Variants in LYPD1 observed in about 807,000 individuals in gnomAD.
LYPD1 encodes LY6/PLAUR domain containing 1, also known as ly6/PLAUR domain-containing protein 1.
In LYPD1, 14 loss-of-function variants were observed where a neutral mutation model predicts 14.2. The observed-to-expected ratio is 0.99, with a 90% CI of 0.65 to 1.54. The LOEUF is 1.54. Ranked by LOEUF, LYPD1 falls within the 40% of genes most tolerant of loss-of-function variation. The probability of loss-of-function intolerance (pLI) is 0.00; values close to 1 mark genes in which losing one functional copy is unlikely to be tolerated. For synonymous variants in LYPD1, 85 were observed against 70.6 expected (o/e 1.20, Z -1.02); for missense variants, 165 against 175.7 (o/e 0.94, Z 0.34).
chr2:132,648,872 TGCCAGGCTGGCCGCTCCAG>T (rs1682249324), intron 2 of LYPD1, among the ~76,000 whole-genome samples: 1 of 151,986 alleles, frequency 6.6e-6, no homozygotes, highest in Non-Finnish European at 1.5e-5. Flanking sequence ...GTGTGTCCAT[TGCCAGGCTGGCCGCTCCAG>T]GCCAGGCACC....
intron 2 of LYPD1, among the ~76,000 whole-genome samples, chr2:132,655,342 C>T (rs1047795188): frequency 6.6e-6 from 1 of 151,956 alleles, no homozygotes; most frequent in Non-Finnish European, 1.5e-5. Flanking sequence ...TATTTCAGGC[C>T]TCATCTGCCT....
intron 2 of LYPD1, among the ~76,000 whole-genome samples, chr2:132,656,240 A>G (rs188763465): frequency 9.9e-5 from 15 of 152,284 alleles, no homozygotes; most frequent in Non-Finnish European, 1.8e-4. Flanking sequence ...TTAATAGTCC[A>G]TTACTTTTTA....
At chr2:132,646,650 C>A (rs2001202) in intron 2 of LYPD1, 80,787 of 176,474 alleles carry the variant, frequency 0.46, 18,615 homozygotes, top group South Asian at 0.59. Flanking sequence ...GCCAGTGAGG[C>A]CCACAAGCAG....
At chr2:132,667,506 G>T (rs1307219193) in intron 2 of LYPD1, among the ~76,000 whole-genome samples, 1 of 152,198 alleles carries the variant, frequency 6.6e-6, no homozygotes, top group Non-Finnish European at 1.5e-5. Flanking sequence ...TCTGCAGGCA[G>T]TTCACAGAAC....
intron 2 of LYPD1, among the ~76,000 whole-genome samples, chr2:132,664,899 G>A (rs1412307310): frequency 1.3e-5 from 2 of 152,208 alleles, no homozygotes; most frequent in Non-Finnish European, 2.9e-5. Flanking sequence ...ACAAGCAAGA[G>A]CAAAAGAAGT....
intron 2 of LYPD1, among the ~76,000 whole-genome samples, chr2:132,650,901 T>TTA (rs1682339122): frequency 6.6e-6 from 1 of 152,146 alleles, no homozygotes; most frequent in Non-Finnish European, 1.5e-5. Flanking sequence ...TTGCTTAGGG[T>TTA]CCATTCAGGT....
At position 132,645,618 on chromosome 2, in the gene LYPD1, G is replaced by C. The variant is rs371035597; in HGVS notation, c.*427C>G. On this transcript the variant is annotated 3_prime_UTR_variant, in exon 3 of 3. Transcript: ENST00000397463. ...AGCATGAAGTTTGAATGTCAAGCGAGGGAGCCTTGAGTGGGAACTGGCCCT... is the reference window on the plus strand; with the variant it reads ...AGCATGAAGTTTGAATGTCAAGCGACGGAGCCTTGAGTGGGAACTGGCCCT... 2.0e-5 allele frequency: 32 copies of C among 1,603,770 alleles called. No homozygotes were observed. Among genetic ancestry groups the C allele is most frequent in the Non-Finnish European group, 2.6e-5 (30 of 1,174,702 alleles).
At chr2:132,651,345 C>T (rs552605281) in intron 2 of LYPD1, among the ~76,000 whole-genome samples, 17 of 152,112 alleles carry the variant, frequency 1.1e-4, no homozygotes, top group South Asian at 2.1e-4. Context: ...GGAGCTGCCC[C>T]GAAGCTCAAG....
chr2:132,665,125 A>C (rs1235751418), intron 2 of LYPD1, among the ~76,000 whole-genome samples: 3 of 152,226 alleles, frequency 2.0e-5, no homozygotes, highest in Non-Finnish European at 4.4e-5. Flanking sequence ...ACATAATAGC[A>C]ATGTCACTCT....
chr2:132,666,303 C>T (rs555301720), intron 2 of LYPD1, among the ~76,000 whole-genome samples: 2 of 152,238 alleles, frequency 1.3e-5, no homozygotes, highest in East Asian at 3.9e-4. Context: ...TATAAGGCCC[C>T]CCTGGACATT....
chr2:132,656,212 A>G (rs946960576), intron 2 of LYPD1, among the ~76,000 whole-genome samples: 13 of 152,208 alleles, frequency 8.5e-5, no homozygotes, highest in African/African-American at 2.7e-4. Flanking sequence ...CAAAGACAGA[A>G]ATTTCTAAAC....
upstream of LYPD1, chr2:132,670,251 C>T (rs1683609068): frequency 3.5e-6 from 2 of 574,456 alleles, no homozygotes; most frequent in Non-Finnish European, 2.6e-6. The surrounding 1 kb of genome is among the most constrained non-coding windows in gnomAD (Gnocchi z 4.5). Flanking sequence ...GCCTTTTCTC[C>T]CCACCTCCCA....
chr2:132,659,220 G>A (rs905145290), intron 2 of LYPD1, among the ~76,000 whole-genome samples: 5 of 152,092 alleles, frequency 3.3e-5, no homozygotes, highest in African/African-American at 1.2e-4. Context: ...ATAATATTTT[G>A]AAATGGTGAT....
chr2:132,645,072 GTC>G lies in LYPD1; in HGVS notation c.*971_*972del, dbSNP rs755789707. On this transcript the variant is annotated 3_prime_UTR_variant, in exon 3 of 3. Coordinates refer to ENST00000397463, the MANE Select transcript of LYPD1 (RefSeq NM_144586.7). ...CTCATGCTGTGTTTTTCTTTTCTCT[GTC>G]TCTCCCTCCTGCTCGTGTCTGCCCA... 1.3e-6 allele frequency: 2 copies of G among 1,583,854 alleles called. No homozygotes were observed. Among genetic ancestry groups the G allele is most frequent in the Non-Finnish European group, 1.7e-6 (2 of 1,164,366 alleles).
At chr2:132,662,821 T>G (rs1411787760) in intron 2 of LYPD1, among the ~76,000 whole-genome samples, 3 of 152,212 alleles carry the variant, frequency 2.0e-5, no homozygotes, top group Admixed American at 2.0e-4. Context: ...GACAGCAGCT[T>G]TCATGCAATC....
At chr2:132,651,877 C>T (rs912879662) in intron 2 of LYPD1, among the ~76,000 whole-genome samples, 1 of 152,166 alleles carries the variant, frequency 6.6e-6, no homozygotes, top group African/African-American at 2.4e-5. Context: ...AGTGTGGTCC[C>T]TTGGGTGGTA....
At chr2:132,670,379 G>T (rs945653970), upstream of LYPD1, among the ~76,000 whole-genome samples, 1 of 152,028 alleles carries the variant, frequency 6.6e-6, no homozygotes, top group African/African-American at 2.4e-5. The surrounding 1 kb of genome is among the most constrained non-coding windows in gnomAD (Gnocchi z 4.5). Context: ...GCCTCCGCAC[G>T]TTCCTGGGAA....
At chr2:132,651,780 T>G (rs1418197471) in intron 2 of LYPD1, among the ~76,000 whole-genome samples, 1 of 152,236 alleles carries the variant, frequency 6.6e-6, no homozygotes, top group Non-Finnish European at 1.5e-5. Context: ...GTGGTGTGTC[T>G]GCAGGGGGAT....
At chr2:132,651,969 G>C (rs1445622973) in intron 2 of LYPD1, among the ~76,000 whole-genome samples, 1 of 152,208 alleles carries the variant, frequency 6.6e-6, no homozygotes, top group African/African-American at 2.4e-5. Context: ...CGGCACAACT[G>C]CAGCAGCAAC....
Sources: allele counts gnomAD v4.1 joint callset (sites outside exome capture counted in the v4.1 genomes callset), GRCh38; gene constraint gnomAD v4.1.1; non-coding constraint Gnocchi (gnomAD v3.1); transcripts MANE v1.5; gene names NCBI Gene and HGNC (gene_info 2026-07-23, HGNC 2026-07-21).